The following KPNA1 variants were observed in gnomAD, a reference collection of about 807,000 sequenced individuals.
KPNA1 encodes karyopherin subunit alpha 1.
Under a neutral mutation model 70.5 loss-of-function variants are expected in KPNA1, and 10 were observed. That is an observed-to-expected ratio of 0.14 (90% CI 0.09 to 0.24). The LOEUF is 0.24. KPNA1 is among the 10% of genes least tolerant of loss of function. KPNA1 has a pLI of 1.00. For synonymous variants in KPNA1, 192 were observed against 221.9 expected, an observed-to-expected ratio of 0.87 and a Z score of 1.20; for missense variants, 397 against 637.9, an observed-to-expected ratio of 0.62 and a Z score of 4.07.
intron 1 of KPNA1, among the ~76,000 whole-genome samples, chr3:122,496,889 A>T (rs2076768144): frequency 6.6e-6 from 1 of 152,136 alleles, no homozygotes; most frequent in African/African-American, 2.4e-5. Flanking sequence ...TTTTTTGTAG[A>T]GACAGGGTCT....
Position 122,437,182 on chromosome 3 carries a change from C to T in KPNA1, c.1110G>A (p.Arg370=). The change falls in exon 11 of 14, where the codon AGG becomes AGA. Residue 370 remains arginine (R), a synonymous_variant. Coordinates refer to ENST00000344337, the MANE Select transcript of KPNA1 (RefSeq NM_002264.4). ...WTISNITAGN[R]AQIQTVIDAN... is the part of the protein sequence containing the mutation. ...CCTATGAGGTTACCTGGATCTGTGC[C>T]CTATTTCCAGCTGTAATATTAGATA... 2.5e-6 allele frequency: 4 copies of T among 1,613,542 alleles called. No homozygotes were observed. Among genetic ancestry groups the T allele is most frequent in the Non-Finnish European group, 3.4e-6 (4 of 1,179,760 alleles).
At position 122,424,114 on chromosome 3, in the gene KPNA1, C is replaced by T. The variant is rs2075790856; in HGVS notation, c.*2871G>A. 6.6e-6 allele frequency: 1 copy of T among 152,068 alleles called. No individual in the cohort carries two copies. The highest frequency in any genetic ancestry group is 1.5e-5 in the Non-Finnish European group (1 of 68,000). 9.4% of individuals were successfully genotyped at this position (152,068 alleles called of 1,614,324 possible). On this transcript the variant is annotated 3_prime_UTR_variant, in exon 14 of 14. Coordinates refer to ENST00000344337, the MANE Select transcript of KPNA1 (RefSeq NM_002264.4). ...AATTCTCTTAATGCTTTTTTTCCCC[C>T]ACCAAAGTTCTCATTACAAATAATA...
At chr3:122,484,294 TA>T (rs2076604464) in intron 2 of KPNA1, among the ~76,000 whole-genome samples, 1 of 152,196 alleles carries the variant, frequency 6.6e-6, no homozygotes, top group African/African-American at 2.4e-5. Flanking sequence ...AGATTTTTAG[TA>T]CATAAGAACT....
In KPNA1 at chr3:122,495,415, C is replaced by T. The variant is rs79388851; in HGVS notation, c.129+1022G>A. Among the ~76,000 whole-genome samples the T allele has an allele frequency of 6.2e-3, 945 of 152,106 alleles. 4 individuals are homozygous for T. Among genetic ancestry groups the T allele is most frequent in the Non-Finnish European group, 0.01 (689 of 67,962 alleles). ...GATAAAGCAGGTCAAGAACTCATAA[C>T]TTAATTTGCTGCACTCAATATAAAG... On this transcript the variant is annotated intron_variant, in intron 2 of 13. Transcript: ENST00000344337.
chr3:122,483,504 CT>C (rs1438361196), intron 2 of KPNA1, among the ~76,000 whole-genome samples: 13 of 152,116 alleles, frequency 8.5e-5, no homozygotes, highest in Admixed American at 7.2e-4. Context: ...ACTACCACAC[CT>C]GGCTAATTTT....
At chr3:122,490,212 G>T (rs937957994) in intron 2 of KPNA1, among the ~76,000 whole-genome samples, 1 of 152,176 alleles carries the variant, frequency 6.6e-6, no homozygotes, top group Admixed American at 6.5e-5. Flanking sequence ...TCCATCCTAC[G>T]AAACTCTATT....
chr3:122,487,830 T>G (rs1171670144), intron 2 of KPNA1, among the ~76,000 whole-genome samples: 3 of 152,182 alleles, frequency 2.0e-5, no homozygotes, highest in Non-Finnish European at 4.4e-5. Context: ...TAGATATATG[T>G]TATATAACAA....
At chr3:122,442,220 A>G in intron 9 of KPNA1, 104 bp from the exon 10 acceptor site, 1 of 843,446 alleles carries the variant, frequency 1.2e-6, no homozygotes, top group Non-Finnish European at 2.0e-6. Flanking sequence ...AGAATTTTAG[A>G]GCAGAAATGT....
intron 5 of KPNA1, chr3:122,460,076 T>C: frequency 1.0e-6 from 1 of 985,424 alleles, no homozygotes; most frequent in Non-Finnish European, 1.2e-6. Context: ...ATAATCCCAT[T>C]TTGTGATCAA....
chr3:122,487,487 T>A (rs146162002), intron 2 of KPNA1, among the ~76,000 whole-genome samples: 74 of 152,328 alleles, frequency 4.9e-4, no homozygotes, highest in African/African-American at 1.8e-3. Context: ...ATTATTCACA[T>A]GGGCCAGGAG....
Position 122,499,481 on chromosome 3 carries a change from A to G in KPNA1, c.-5-2911T>C, listed in dbSNP as rs114818570. ...TTTTTAACAGACAAGGGACGGGTAG[A>G]GTGGCTCATGTCTGTAATTCTAGCA... is the stretch of plus-strand genomic sequence containing the variant. On this transcript the variant is annotated intron_variant, in intron 1 of 13. Transcript: ENST00000344337. 5.2e-3 allele frequency among the ~76,000 whole-genome samples: 794 copies of G among 151,976 alleles called. 3 individuals carry two copies. The highest frequency in any genetic ancestry group is 6.9e-3 in the Non-Finnish European group (470 of 67,952).
intron 2 of KPNA1, among the ~76,000 whole-genome samples, chr3:122,468,335 A>G (rs1299515822): frequency 6.6e-6 from 1 of 152,088 alleles, no homozygotes; most frequent in Admixed American, 6.6e-5. Context: ...CATAACGCAG[A>G]GTACAACACA....
chr3:122,447,970 T>G (rs973072298), intron 9 of KPNA1, among the ~76,000 whole-genome samples: 4 of 151,800 alleles, frequency 2.6e-5, no homozygotes, highest in Admixed American at 2.6e-4. Context: ...CAGACACTTC[T>G]CAAAAGAAGA....
At chr3:122,464,542 T>C (rs1292498465) in intron 3 of KPNA1, among the ~76,000 whole-genome samples, 1 of 152,214 alleles carries the variant, frequency 6.6e-6, no homozygotes, top group East Asian at 1.9e-4. Flanking sequence ...CACTAAGGGC[T>C]GGTGTACTGT....
intron 11 of KPNA1, among the ~76,000 whole-genome samples, 181 bp downstream of exon 11, chr3:122,436,989 A>G (rs1333484951): frequency 1.3e-5 from 2 of 152,192 alleles, no homozygotes; most frequent in Non-Finnish European, 2.9e-5. Context: ...CATGTTGACC[A>G]GGATAGTCTT....
chr3:122,458,794 CT>C (rs1326681657), intron 5 of KPNA1, among the ~76,000 whole-genome samples: 5 of 152,148 alleles, frequency 3.3e-5, no homozygotes, highest in African/African-American at 1.2e-4. Flanking sequence ...AGTCTCCTGG[CT>C]TTAAGGTCTC....
intron 6 of KPNA1, among the ~76,000 whole-genome samples, chr3:122,453,142 G>A (rs975978225): frequency 2.6e-5 from 4 of 151,964 alleles, no homozygotes; most frequent in South Asian, 2.1e-4. Flanking sequence ...ACTGGGTTTC[G>A]CCATGTTGCC....
At chr3:122,513,524 A>G (rs2076979342) in intron 1 of KPNA1, among the ~76,000 whole-genome samples, 1 of 152,152 alleles carries the variant, frequency 6.6e-6, no homozygotes. Context: ...GACAAAAACA[A>G]TGTCGAGAAT....
intron 2 of KPNA1, among the ~76,000 whole-genome samples, chr3:122,481,221 A>T (rs2076567181): frequency 6.6e-6 from 1 of 152,228 alleles, no homozygotes; most frequent in Admixed American, 6.5e-5. Context: ...ATCCACACAA[A>T]AACTTGTATG....
Sources: allele counts gnomAD v4.1 joint callset (sites outside exome capture counted in the v4.1 genomes callset), GRCh38; gene constraint gnomAD v4.1.1; transcripts MANE v1.5; gene names NCBI Gene and HGNC (gene_info 2026-07-23, HGNC 2026-07-21).